The following OSBPL10 variants were observed in gnomAD, a reference collection of about 807,000 sequenced individuals.
OSBPL10 encodes the protein oxysterol binding protein like 10, also known as oxysterol-binding protein-related protein 10.
OSBPL10 carries 49 observed loss-of-function variants against 81.7 expected under a neutral mutation model. That is an observed-to-expected ratio of 0.60 (90% confidence interval 0.48 to 0.76). The LOEUF (loss-of-function observed/expected upper bound fraction) is 0.76. Ranked by LOEUF, OSBPL10 falls within the 30% of genes least tolerant of loss-of-function variation. The pLI, the probability that OSBPL10 is intolerant of heterozygous loss-of-function variation, is 0.00. For missense variants in OSBPL10, 923 were observed against 987.8 expected, an observed-to-expected ratio of 0.93 and a Z score of 0.88; for synonymous variants, 419 against 383.6, an observed-to-expected ratio of 1.09 and a Z score of -1.08.
chr3:31,847,129 T>C (rs113925203), intron 3 of OSBPL10, among the ~76,000 whole-genome samples: 7 of 151,886 alleles, frequency 4.6e-5, no homozygotes, highest in African/African-American at 1.7e-4. Flanking sequence ...CATTACATCA[T>C]TTATCCACCA....
chr3:31,770,733 C>T (rs2125745844), intron 4 of OSBPL10, among the ~76,000 whole-genome samples: 2 of 152,188 alleles, frequency 1.3e-5, no homozygotes, highest in South Asian at 4.1e-4. Flanking sequence ...TTGCGGTGAA[C>T]CAAGATCGCG....
chr3:31,733,129 CAATTCTTCCATTTTTT>C, intron 6 of OSBPL10, 112 bp downstream of exon 6: 1 of 1,317,288 alleles, frequency 7.6e-7, no homozygotes, highest in East Asian at 2.5e-5. Flanking sequence ...TCTCTCCAGG[CAATTCTTCCATTTTTT>C]AATTTGTCTC....
At chr3:31,715,774 T>C (rs1048289391) in intron 6 of OSBPL10, among the ~76,000 whole-genome samples, 3 of 152,200 alleles carry the variant, frequency 2.0e-5, no homozygotes, top group Non-Finnish European at 4.4e-5. Flanking sequence ...GCTTTCTATA[T>C]CCACAGTTGA....
intron 4 of OSBPL10, among the ~76,000 whole-genome samples, chr3:31,789,478 C>T (rs569496813): frequency 5.9e-5 from 9 of 152,302 alleles, no homozygotes; most frequent in African/African-American, 1.9e-4. Flanking sequence ...ATTGTAAACT[C>T]TTCCTATAGG....
At position 31,783,277 on chromosome 3, in the gene OSBPL10, G is replaced by C. The variant is rs566782678; in HGVS notation, c.730-35157C>G. Among the ~76,000 whole-genome samples the C allele has an allele frequency of 6.6e-5, 10 of 151,838 alleles. No homozygotes were observed. The East Asian group carries it at 1.9e-3, about 29-fold the overall frequency. On this transcript the variant is annotated intron_variant, in intron 4 of 11. Transcript: ENST00000396556. ...AGGAATGGAAAACCAAACATCATAT[G>C]TTCTGATTTATCAATGAGAGCTAAG...
intron 3 of OSBPL10, among the ~76,000 whole-genome samples, chr3:31,864,553 T>G (rs914167360): frequency 6.6e-6 from 1 of 151,914 alleles, no homozygotes; most frequent in Non-Finnish European, 1.5e-5. Flanking sequence ...TACTTAACCA[T>G]ATAAAGTATA....
intron 6 of OSBPL10, among the ~76,000 whole-genome samples, chr3:31,706,618 G>A (rs1032261665): frequency 1.3e-5 from 2 of 152,146 alleles, no homozygotes. Context: ...CGTGTGTTAG[G>A]TTTGTGTGGG....
In OSBPL10 at chr3:31,968,341, C is replaced by CA. The variant is rs1353895216; in HGVS notation, c.281+12557dup. Among the ~76,000 whole-genome samples the CA allele has an allele frequency of 4.0e-5, 6 of 151,416 alleles. No homozygotes were observed. In the East Asian group the frequency reaches 7.7e-4, roughly 20 times the overall value. On this transcript the variant is annotated intron_variant, in intron 1 of 11. Coordinates refer to ENST00000396556, the MANE Select transcript of OSBPL10 (RefSeq NM_017784.5). ...CTTAAACTAAGAAAGGAAGCAAAAA[C>CA]AAAAAAGGAAACAAAACAAAAATAT...
chr3:31,696,883 TAGTGGATGGATATCTC>T (rs1284120787), intron 7 of OSBPL10, among the ~76,000 whole-genome samples: 1 of 152,234 alleles, frequency 6.6e-6, no homozygotes, highest in Non-Finnish European at 1.5e-5. Flanking sequence ...CTTGAATGCC[TAGTGGATGGATATCTC>T]AGACCTAATC....
chr3:31,920,176 T>C (rs1310513342), intron 1 of OSBPL10, among the ~76,000 whole-genome samples: 5 of 152,136 alleles, frequency 3.3e-5, no homozygotes, highest in African/African-American at 1.2e-4. Flanking sequence ...AATAAGCAGG[T>C]GAAGCATTGG....
At chr3:31,797,540 T>C (rs1699262346) in intron 4 of OSBPL10, among the ~76,000 whole-genome samples, 1 of 152,142 alleles carries the variant, frequency 6.6e-6, no homozygotes, top group Non-Finnish European at 1.5e-5. Flanking sequence ...TTAACCTCCC[T>C]GAGCCTAAGG....
Position 31,981,027 on chromosome 3 carries a change from G to A in OSBPL10, c.153C>T (p.Gly51=). The A allele has an allele frequency of 6.8e-7, 1 of 1,470,286 alleles. No homozygotes were observed. Among genetic ancestry groups the A allele is most frequent in the Non-Finnish European group, 9.0e-7 (1 of 1,115,406 alleles). The allele number at this position is 1,470,286 out of a possible 1,614,324, so 91.1% of individuals were successfully genotyped here. A position where few individuals can be genotyped will look rare whatever the true frequency, so the allele number is the denominator to read the frequency against. The change falls in exon 1 of 12, where the codon GGC becomes GGT. Residue 51 remains glycine (G), a synonymous_variant. Transcript: ENST00000396556. The surrounding 1 kb of genome is among the most constrained non-coding windows in gnomAD (Gnocchi z 4.5). ...SSRSAAAGLG[G]GGSRSSPGSV... ...AGCCCGGGCTGCTGCGGCTTCCCCC[G>A]CCGCCGAGCCCGGCCGCCGCCGACC...
intron 3 of OSBPL10, among the ~76,000 whole-genome samples, chr3:31,843,011 G>A (rs577365346): frequency 3.3e-5 from 5 of 152,330 alleles, no homozygotes; most frequent in Admixed American, 6.5e-5. Context: ...GAAATTACAC[G>A]TGCTGGACAC....
At chr3:31,861,731 T>C (rs1209092153) in intron 3 of OSBPL10, among the ~76,000 whole-genome samples, 1 of 152,186 alleles carries the variant, frequency 6.6e-6, no homozygotes, top group Non-Finnish European at 1.5e-5. Context: ...CTATTTTATT[T>C]TATCTCAACA....
intron 8 of OSBPL10, among the ~76,000 whole-genome samples, chr3:31,681,720 G>C (rs147410678): frequency 2.0e-5 from 3 of 152,100 alleles, no homozygotes; most frequent in African/African-American, 7.2e-5. Context: ...CAGTCTCCTC[G>C]GCTGGCTGTT....
chr3:31,788,149 A>G (rs1228976615), intron 4 of OSBPL10, among the ~76,000 whole-genome samples: 1 of 152,206 alleles, frequency 6.6e-6, no homozygotes, highest in African/African-American at 2.4e-5. Context: ...TCTAGAGATA[A>G]GCCTGTATCT....
chr3:31,978,311 T>G (rs1026449605), intron 1 of OSBPL10, among the ~76,000 whole-genome samples: 1 of 152,206 alleles, frequency 6.6e-6, no homozygotes, highest in Non-Finnish European at 1.5e-5. Flanking sequence ...GTTGGCTAAC[T>G]ATTTGTACTA....
chr3:31,928,535 G>A (rs898923856), intron 1 of OSBPL10, among the ~76,000 whole-genome samples: 15 of 125,778 alleles, frequency 1.2e-4, no homozygotes, highest in Non-Finnish European at 2.5e-4. Context: ...AGCACTTTGG[G>A]AGGCCGAGGC....
At chr3:31,899,473 C>T (rs896874267) in intron 1 of OSBPL10, among the ~76,000 whole-genome samples, 5 of 152,058 alleles carry the variant, frequency 3.3e-5, no homozygotes, top group South Asian at 2.1e-4. Flanking sequence ...CATGTCCAAA[C>T]GTATTAATCA....
Sources: gnomAD v4.1 joint callset for allele counts (sites outside exome capture counted in the v4.1 genomes callset) on GRCh38, gnomAD v4.1.1 for gene constraint, Gnocchi (gnomAD v3.1) non-coding constraint, MANE v1.5 for transcripts, NCBI Gene and HGNC (gene_info 2026-07-23, HGNC 2026-07-21) for gene names.